The following SGMS1 variants were observed in gnomAD, a reference collection of about 807,000 sequenced individuals.
SGMS1 encodes phosphatidylcholine:ceramide cholinephosphotransferase 1.
SGMS1 carries 13 observed loss-of-function variants against 46.2 expected under a neutral mutation model. That is an observed-to-expected ratio of 0.28 (90% CI 0.18 to 0.45). The LOEUF (loss-of-function observed/expected upper bound fraction) is 0.45, where lower values mean the gene tolerates loss of function less well. SGMS1 is among the 20% of genes least tolerant of loss of function. The pLI, the probability that SGMS1 is intolerant of heterozygous loss-of-function variation, is 1.00. For missense variants in SGMS1, 324 were observed against 519.9 expected, an observed-to-expected ratio of 0.62 and a Z score of 3.66; for synonymous variants, 203 against 187.8, an observed-to-expected ratio of 1.08 and a Z score of -0.66.
At chr10:50,435,318 G>A (rs1160460508) in intron 5 of SGMS1, among the ~76,000 whole-genome samples, 1 of 152,116 alleles carries the variant, frequency 6.6e-6, no homozygotes, top group Non-Finnish European at 1.5e-5. Flanking sequence ...CATACAATTA[G>A]TTCTCAAAAG....
intron 2 of SGMS1, among the ~76,000 whole-genome samples, chr10:50,575,047 G>T (rs761700042): frequency 3.5e-5 from 5 of 144,502 alleles, no homozygotes; most frequent in Non-Finnish European, 7.6e-5. Context: ...CAACATAGAC[G>T]TGGAAGACGT....
chr10:50,477,348 T>C (rs537070005), intron 3 of SGMS1, among the ~76,000 whole-genome samples: 1 of 152,362 alleles, frequency 6.6e-6, no homozygotes, highest in South Asian at 2.1e-4. Flanking sequence ...CCTTTTGGAA[T>C]GGGGGCATAT....
chr10:50,366,098 G>C (rs1282207452), intron 6 of SGMS1, among the ~76,000 whole-genome samples: 1 of 152,178 alleles, frequency 6.6e-6, no homozygotes, highest in East Asian at 1.9e-4. Flanking sequence ...TTAAACTAAA[G>C]AGTTTCTCCA....
chr10:50,508,473 AATATC>A (rs1359320924), intron 3 of SGMS1, among the ~76,000 whole-genome samples: 1 of 152,208 alleles, frequency 6.6e-6, no homozygotes, highest in Non-Finnish European at 1.5e-5. Context: ...ATGACAGTGA[AATATC>A]AAGTGACAAA....
chr10:50,566,147 C>T (rs574404703), intron 2 of SGMS1, among the ~76,000 whole-genome samples: 1 of 152,208 alleles, frequency 6.6e-6, no homozygotes, highest in African/African-American at 2.4e-5. Flanking sequence ...TTTTGACAAC[C>T]TTTGGCTTTC....
At chr10:50,397,834 G>T (rs934695152) in intron 6 of SGMS1, among the ~76,000 whole-genome samples, 1 of 152,130 alleles carries the variant, frequency 6.6e-6, no homozygotes, top group Non-Finnish European at 1.5e-5. Flanking sequence ...GTTAATTACT[G>T]ATTTTAAATA....
chr10:50,447,271 G>A (rs940899956), intron 5 of SGMS1, among the ~76,000 whole-genome samples: 1 of 152,066 alleles, frequency 6.6e-6, no homozygotes, highest in African/African-American at 2.4e-5. Flanking sequence ...TATAATCCAG[G>A]TAAGATGATA....
At position 50,447,457 on chromosome 10, in the gene SGMS1, C is replaced by T. The variant is rs140101721; in HGVS notation, c.-313+13216G>A. On this transcript the variant is annotated intron_variant, in intron 5 of 10. Transcript: ENST00000361781. ...ATTTCTTTCCTCTTTAAAATTGTAA[C>T]ACTTAATACTGATAAATATTATGTA... Among the ~76,000 whole-genome samples, 887 of 152,112 alleles carry T rather than the reference C, an allele frequency of 5.8e-3. 4 individuals are homozygous for T. The highest frequency in any genetic ancestry group is 9.9e-3 in the Non-Finnish European group (674 of 67,952).
intron 2 of SGMS1, among the ~76,000 whole-genome samples, chr10:50,534,941 C>G (rs567198945): frequency 5.8e-4 from 88 of 152,290 alleles, no homozygotes; most frequent in African/African-American, 2.1e-3. Context: ...CCATTAAAAA[C>G]AATAGCTATT....
intron 3 of SGMS1, among the ~76,000 whole-genome samples, chr10:50,483,759 A>C (rs556614499): frequency 6.6e-6 from 1 of 152,322 alleles, no homozygotes; most frequent in East Asian, 1.9e-4. Context: ...CCACACAACT[A>C]TATGGAAATT....
chr10:50,527,424 T>C (rs1203713116), intron 2 of SGMS1, among the ~76,000 whole-genome samples: 3 of 152,196 alleles, frequency 2.0e-5, no homozygotes, highest in Non-Finnish European at 4.4e-5. Context: ...TTACTTATTA[T>C]CCCTAATTTA....
At chr10:50,443,680 T>G (rs1849573173) in intron 5 of SGMS1, among the ~76,000 whole-genome samples, 1 of 152,070 alleles carries the variant, frequency 6.6e-6, no homozygotes, top group Admixed American at 6.6e-5. Context: ...CAGATATAGA[T>G]GTAAACCCAT....
chr10:50,352,181 C>A (rs1848030047), intron 6 of SGMS1, among the ~76,000 whole-genome samples: 1 of 152,178 alleles, frequency 6.6e-6, no homozygotes. Flanking sequence ...TGGAAGTGAA[C>A]TGTTGGACAG....
intron 6 of SGMS1, among the ~76,000 whole-genome samples, chr10:50,410,858 T>A (rs930022406): frequency 6.6e-5 from 10 of 152,204 alleles, no homozygotes; most frequent in Non-Finnish European, 1.3e-4. Flanking sequence ...GTCTTCAAGT[T>A]CTACTTCTCT....
intron 6 of SGMS1, among the ~76,000 whole-genome samples, chr10:50,401,385 T>G (rs1848938459): frequency 6.6e-6 from 1 of 152,230 alleles, no homozygotes; most frequent in African/African-American, 2.4e-5. Context: ...GGAGACATTT[T>G]AATCTCCACT....
chr10:50,497,235 C>A (rs1837622764), intron 3 of SGMS1, among the ~76,000 whole-genome samples: 1 of 152,216 alleles, frequency 6.6e-6, no homozygotes, highest in African/African-American at 2.4e-5. Context: ...CATTTTCAAA[C>A]TTACAAAGTT....
At chr10:50,552,523 C>T (rs1838157050) in intron 2 of SGMS1, among the ~76,000 whole-genome samples, 1 of 152,188 alleles carries the variant, frequency 6.6e-6, no homozygotes, top group Non-Finnish European at 1.5e-5. Context: ...ATATATTACA[C>T]AATGACTCTC....
rs563206622 is a variant in SGMS1, at chr10:50,489,960, T to A, written c.-497-23028A>T. Among the ~76,000 whole-genome samples the A allele has an allele frequency of 6.6e-5, 10 of 152,256 alleles. No individual in the cohort carries two copies. In the South Asian group the frequency reaches 1.2e-3, roughly 19 times the overall value. On this transcript the variant is annotated intron_variant, in intron 3 of 10. Transcript: ENST00000361781. ...CTGCACTCCAGCCTGGGTGAGAGAA[T>A]GAGACTCCATCTCAAAAAATAAAAA... is the stretch of plus-strand genomic sequence containing the variant.
chr10:50,587,731 G>C (rs1838501127), intron 2 of SGMS1, among the ~76,000 whole-genome samples: 1 of 147,760 alleles, frequency 6.8e-6, no homozygotes, highest in South Asian at 2.2e-4. Context: ...GCTATTACTA[G>C]TTACATTTTC....
Sources: gnomAD v4.1 joint callset for allele counts (sites outside exome capture counted in the v4.1 genomes callset) on GRCh38, gnomAD v4.1.1 for gene constraint, MANE v1.5 for transcripts, NCBI Gene and HGNC (gene_info 2026-07-23, HGNC 2026-07-21) for gene names.